RIC1: variants seen among roughly 807,000 people sequenced by gnomAD.
The protein encoded by RIC1 is guanine nucleotide exchange factor subunit RIC1.
RIC1 carries 88 observed loss-of-function variants against 169.0 expected under a neutral mutation model. That is an observed-to-expected ratio of 0.52 (90% confidence interval 0.44 to 0.62). RIC1 has a LOEUF of 0.62. Ranked by LOEUF, RIC1 falls within the 20% of genes least tolerant of loss-of-function variation. RIC1 has a pLI of 0.00. For synonymous variants in RIC1, 790 were observed against 601.5 expected (o/e 1.31, Z -4.59); for missense variants, 1,877 against 1,725.5 (o/e 1.09, Z -1.56).
intron 16 of RIC1, among the ~76,000 whole-genome samples, chr9:5,756,593 T>C (rs1320968519): frequency 6.6e-6 from 1 of 152,058 alleles, no homozygotes; most frequent in Non-Finnish European, 1.5e-5. Context: ...CCTGGAGTCA[T>C]TTGAAAAAAA....
intron 13 of RIC1, 51 bp from the exon 14 acceptor site, chr9:5,753,485 A>G (rs1825837116): frequency 8.8e-7 from 1 of 1,133,132 alleles, no homozygotes; most frequent in Non-Finnish European, 1.3e-6. Context: ...TTTATGCCTA[A>G]TAAAGTATAT....
intron 2 of RIC1, among the ~76,000 whole-genome samples, chr9:5,674,301 G>A (rs932823980): frequency 1.3e-5 from 2 of 152,056 alleles, no homozygotes; most frequent in East Asian, 3.9e-4. Flanking sequence ...GATCCTGTAT[G>A]AATTTTAAAA....
chr9:5,722,223 A>G (rs905214086), intron 6 of RIC1, among the ~76,000 whole-genome samples: 2 of 127,524 alleles, frequency 1.6e-5, no homozygotes, highest in African/African-American at 2.9e-5. Flanking sequence ...TTTTTTTTCC[A>G]CAGTACCACA....
At chr9:5,721,443 C>T (rs1392546852) in intron 6 of RIC1, among the ~76,000 whole-genome samples, 1 of 152,208 alleles carries the variant, frequency 6.6e-6, no homozygotes, top group Admixed American at 6.5e-5. Context: ...CCCCAGCACA[C>T]ACGCGCGTGC....
At chr9:5,652,952 G>C (rs1586884445) in intron 1 of RIC1, among the ~76,000 whole-genome samples, 2 of 152,146 alleles carry the variant, frequency 1.3e-5, no homozygotes, top group South Asian at 4.1e-4. Context: ...TGCCTCTCCT[G>C]AAATGATCAT....
intron 2 of RIC1, among the ~76,000 whole-genome samples, chr9:5,662,339 C>T (rs1392013178): frequency 2.0e-5 from 3 of 152,002 alleles, no homozygotes; most frequent in African/African-American, 7.2e-5. Flanking sequence ...ATGATGCTGG[C>T]CTCATAGAAT....
At chr9:5,653,973 G>C (rs543078683) in intron 1 of RIC1, among the ~76,000 whole-genome samples, 1 of 152,158 alleles carries the variant, frequency 6.6e-6, no homozygotes, top group South Asian at 2.1e-4. Context: ...AACGTATTGT[G>C]TTACATAGTT....
At chr9:5,777,490 G>A (rs191354583), downstream of RIC1, among the ~76,000 whole-genome samples, 2 of 151,572 alleles carry the variant, frequency 1.3e-5, no homozygotes, top group East Asian at 3.9e-4. Context: ...CAATCACACG[G>A]ACTCTGAATC....
chr9:5,671,110 A>G (rs934462856), intron 2 of RIC1, among the ~76,000 whole-genome samples: 7 of 152,140 alleles, frequency 4.6e-5, no homozygotes, highest in Non-Finnish European at 8.8e-5. Flanking sequence ...TGGAATAATG[A>G]CTGGTAATTG....
At chr9:5,719,468 A>G (rs759139141) in intron 4 of RIC1, 1 of 152,214 alleles carries the variant, frequency 6.6e-6, no homozygotes, top group African/African-American at 2.4e-5. Flanking sequence ...TATTTTATTC[A>G]TCCTCGAATA....
chr9:5,697,955 G>A (rs1412943395), intron 3 of RIC1, among the ~76,000 whole-genome samples: 1 of 152,214 alleles, frequency 6.6e-6, no homozygotes, highest in African/African-American at 2.4e-5. Context: ...GTTGTCAAGG[G>A]AAGTTTTGTA....
chr9:5,765,492 C>G lies in RIC1; in HGVS notation c.2920C>G (p.Leu974Val), dbSNP rs1330089104. The G allele has an allele frequency of 3.1e-6, 5 of 1,614,056 alleles. No individual in the cohort carries two copies. The Admixed American group carries it at 5.0e-5, about 16-fold the overall frequency. ...AGCACTAGAACAAGGCAAGTGGGAC[C>G]TTTGTCGACACATGATTCGATTTCT... ...NTALEQGKWDLCRHMIRFLKA... is the reference protein window; with the variant it reads ...NTALEQGKWDVCRHMIRFLKA... Residue 974 changes from leucine (L) to valine (V), a missense_variant, in exon 20 of 26, where the codon CTT becomes GTT. Leu to Val is a conservative substitution (Grantham distance 32). Coordinates refer to ENST00000414202, the MANE Select transcript of RIC1 (RefSeq NM_020829.4).
At chr9:5,729,345 G>C (rs1046882539) in intron 6 of RIC1, among the ~76,000 whole-genome samples, 2 of 152,096 alleles carry the variant, frequency 1.3e-5, no homozygotes, top group African/African-American at 2.4e-5. Flanking sequence ...GGACCTGGTT[G>C]CTTCTTTAAG....
At chr9:5,684,544 GTTC>G (rs1486969466) in intron 2 of RIC1, among the ~76,000 whole-genome samples, 4 of 151,434 alleles carry the variant, frequency 2.6e-5, no homozygotes, top group Admixed American at 6.6e-5. Flanking sequence ...TTTTCTAATT[GTTC>G]TTATTAGTAT....
At chr9:5,733,240 A>C (rs13291128) in intron 7 of RIC1, among the ~76,000 whole-genome samples, 9 of 150,894 alleles carry the variant, frequency 6.0e-5, no homozygotes, top group South Asian at 2.1e-4. Context: ...CCATATCATC[A>C]CCACCCAATT....
intron 8 of RIC1, among the ~76,000 whole-genome samples, chr9:5,742,339 C>G (rs1563942484): frequency 6.6e-6 from 1 of 152,090 alleles, no homozygotes; most frequent in Non-Finnish European, 1.5e-5. Flanking sequence ...AGCACTTTGT[C>G]TCAGTATTTT....
chr9:5,713,832 T>G (rs77105214), intron 3 of RIC1, 64 bp from the exon 4 acceptor site: 11,298 of 935,036 alleles, frequency 0.012, 91 homozygotes, highest in Non-Finnish European at 0.015. Flanking sequence ...TGATTGTATG[T>G]GTATTAGCCA....
At chr9:5,692,406 A>G (rs1175323742) in intron 3 of RIC1, among the ~76,000 whole-genome samples, 2 of 152,030 alleles carry the variant, frequency 1.3e-5, no homozygotes, top group South Asian at 2.1e-4. Flanking sequence ...ATAAAGGACA[A>G]CTGTTATTAT....
Position 5,773,994 on chromosome 9 carries a change from A to C in RIC1, c.4020A>C (p.Pro1340=). The change falls in exon 26 of 26, where the codon CCA becomes CCC. Residue 1340 remains proline (P), a synonymous_variant. Coordinates refer to ENST00000414202, the MANE Select transcript of RIC1 (RefSeq NM_020829.4). Reference sequence around the variant, plus strand: ...AGCCATTTTTAAACATCATTAAGCCACAACTGCAGAAGCTCAGTGAGATAA... The same window carrying C: ...AGCCATTTTTAAACATCATTAAGCCCCAACTGCAGAAGCTCAGTGAGATAA... The part of the protein sequence containing the change: ...GYKPFLNIIK[P]QLQKLSEITE... 3 of 1,612,300 alleles carry C rather than the reference A, an allele frequency of 1.9e-6. No individual in the cohort carries two copies. The South Asian group carries it at 3.3e-5, about 18-fold the overall frequency.
Sources: allele counts gnomAD v4.1 joint callset (sites outside exome capture counted in the v4.1 genomes callset), GRCh38; gene constraint gnomAD v4.1.1; transcripts MANE v1.5; gene names NCBI Gene and HGNC (gene_info 2026-07-23, HGNC 2026-07-21).